Variants in MAGI1 observed in about 807,000 individuals in gnomAD.
MAGI1 encodes the protein membrane-associated guanylate kinase, WW and PDZ domain-containing protein 1.
Under a neutral mutation model 139.9 loss-of-function variants are expected in MAGI1, and 58 were observed. The ratio of observed to expected loss-of-function variants is 0.41; its 90% CI spans 0.34 to 0.52. MAGI1 has a LOEUF of 0.52. MAGI1 is among the 20% of genes least tolerant of loss of function. The pLI is 0.12. For missense variants in MAGI1, 1,874 were observed against 1,901.6 expected (o/e 0.99, Z 0.27); for synonymous variants, 812 against 737.9 (o/e 1.10, Z -1.63).
chr3:65,695,627 T>C (rs2089107520), intron 1 of MAGI1, among the ~76,000 whole-genome samples: 1 of 152,312 alleles, frequency 6.6e-6, no homozygotes, highest in African/African-American at 2.4e-5. Flanking sequence ...TCAGTAGGTA[T>C]TGCTGGGGGA....
intron 1 of MAGI1, among the ~76,000 whole-genome samples, chr3:65,908,138 G>C (rs1209996900): frequency 6.6e-6 from 1 of 152,062 alleles, no homozygotes; most frequent in African/African-American, 2.4e-5. Flanking sequence ...CAAAATAACA[G>C]AAGACATCAA....
intron 1 of MAGI1, among the ~76,000 whole-genome samples, chr3:65,877,431 C>T (rs983538435): frequency 6.6e-6 from 1 of 152,114 alleles, no homozygotes; most frequent in Non-Finnish European, 1.5e-5. Context: ...AGCTCTCAAA[C>T]ACCCACAGAT....
chr3:65,371,585 C>T (rs1941999869), intron 18 of MAGI1, among the ~76,000 whole-genome samples: 1 of 152,108 alleles, frequency 6.6e-6, no homozygotes. Flanking sequence ...ATGAAGTTTG[C>T]TCTTCCTTCA....
intron 6 of MAGI1, among the ~76,000 whole-genome samples, chr3:65,449,227 A>G (rs1017715435): frequency 3.3e-5 from 5 of 152,116 alleles, no homozygotes; most frequent in Admixed American, 2.6e-4. Context: ...TACATATGTA[A>G]CAAACCTGCA....
In MAGI1 at chr3:65,787,010, G is replaced by A. The variant is rs375766874; in HGVS notation, c.314-164922C>T. ...TTTCCATCAATGCACCTCTTACTAAGCCACAAGCACACAACATTTCATTAG... is the reference window on the plus strand; with the variant it reads ...TTTCCATCAATGCACCTCTTACTAAACCACAAGCACACAACATTTCATTAG... On this transcript the variant is annotated intron_variant, in intron 1 of 22. Coordinates refer to ENST00000402939, the MANE Select transcript of MAGI1 (RefSeq NM_001033057.2). 1.1e-4 allele frequency among the ~76,000 whole-genome samples: 16 copies of A among 152,110 alleles called. No individual in the cohort carries two copies. In the South Asian group the frequency reaches 1.7e-3, roughly 16 times the overall value.
chr3:65,506,653 G>A (rs1004157692), intron 2 of MAGI1, among the ~76,000 whole-genome samples: 14 of 152,136 alleles, frequency 9.2e-5, no homozygotes, highest in Non-Finnish European at 1.6e-4. Context: ...CCACTAGCAC[G>A]GATCCATAAG....
chr3:65,429,715 C>A lies in MAGI1; in HGVS notation c.1972G>T (p.Ala658Ser), dbSNP rs751238481. The A allele has an allele frequency of 3.1e-6, 5 of 1,613,826 alleles. No individual in the cohort carries two copies. Among genetic ancestry groups the A allele is most frequent in the Admixed American group, 1.7e-5 (1 of 59,968 alleles). ...KGPMGFGFTI[A>S]DSPGGGGQRV... ...TGGCCACCCCCACCAGGACTGTCTG[C>A]GATAGTAAAACCAAAGCCCATTGGC... Residue 658 changes from alanine to serine, a missense_variant, in exon 12 of 23, where the codon GCA (alanine) becomes TCA (serine). By Grantham distance (99) the Ala-to-Ser change is moderately conservative. Transcript: ENST00000402939.
At chr3:65,372,012 G>T (rs77790423) in intron 18 of MAGI1, 33,115 of 293,038 alleles carry the variant, frequency 0.11, 4,075 homozygotes, top group East Asian at 0.4. Flanking sequence ...ATCTTGTTAA[G>T]GTCAACATGT....
chr3:65,690,572 G>A (rs1443140941), intron 1 of MAGI1, among the ~76,000 whole-genome samples: 1 of 151,756 alleles, frequency 6.6e-6, no homozygotes, highest in Non-Finnish European at 1.5e-5. Context: ...CACCTCCTGG[G>A]TTGAAGTGAT....
intron 1 of MAGI1, among the ~76,000 whole-genome samples, chr3:65,979,203 A>G (rs2065439800): frequency 6.7e-6 from 1 of 150,216 alleles, no homozygotes; most frequent in Non-Finnish European, 1.5e-5. Context: ...TAATTTACCA[A>G]ATAAGGCATA....
intron 10 of MAGI1, among the ~76,000 whole-genome samples, chr3:65,435,042 G>A (rs1175419813): frequency 1.2e-4 from 19 of 152,286 alleles, no homozygotes; most frequent in African/African-American, 7.2e-5. Flanking sequence ...GAAAATGGCC[G>A]TCTATAAACC....
intron 1 of MAGI1, among the ~76,000 whole-genome samples, chr3:65,930,918 C>A (rs1315090806): frequency 6.6e-6 from 1 of 152,158 alleles, no homozygotes; most frequent in Non-Finnish European, 1.5e-5. Flanking sequence ...CTGGAAAACT[C>A]ATGAATAATC....
chr3:65,543,032 A>G (rs1286052820), intron 2 of MAGI1, among the ~76,000 whole-genome samples: 3 of 152,144 alleles, frequency 2.0e-5, no homozygotes, highest in Non-Finnish European at 4.4e-5. Context: ...CAGAATCTAC[A>G]AGGAACTTAA....
At chr3:65,934,224 T>A (rs142365230) in intron 1 of MAGI1, among the ~76,000 whole-genome samples, 162 of 151,828 alleles carry the variant, frequency 1.1e-3, no homozygotes, top group Non-Finnish European at 1.8e-3. Flanking sequence ...GTAATTAGGG[T>A]AATGAACTGA....
At chr3:65,916,987 G>T (rs1424691662) in intron 1 of MAGI1, among the ~76,000 whole-genome samples, 3 of 152,088 alleles carry the variant, frequency 2.0e-5, no homozygotes, top group Non-Finnish European at 2.9e-5. Context: ...TTAAAAATTT[G>T]TCTGGACTGC....
At chr3:65,504,921 G>T (rs902534122) in intron 2 of MAGI1, among the ~76,000 whole-genome samples, 1 of 152,124 alleles carries the variant, frequency 6.6e-6, no homozygotes, top group Non-Finnish European at 1.5e-5. Flanking sequence ...AGGAACATGA[G>T]AGTTCTCAGG....
chr3:65,669,833 G>A (rs1347806218), intron 1 of MAGI1, among the ~76,000 whole-genome samples: 1 of 152,174 alleles, frequency 6.6e-6, no homozygotes, highest in Non-Finnish European at 1.5e-5. Context: ...TGAACCAATT[G>A]AGATGCCTAT....
chr3:65,889,787 C>T (rs1211236614), intron 1 of MAGI1, among the ~76,000 whole-genome samples: 4 of 152,066 alleles, frequency 2.6e-5, no homozygotes, highest in Non-Finnish European at 5.9e-5. Flanking sequence ...GGGGGGTTGT[C>T]AGGTAAGGCT....
chr3:65,530,564 C>G (rs972059601), intron 2 of MAGI1, among the ~76,000 whole-genome samples: 4 of 149,150 alleles, frequency 2.7e-5, no homozygotes, highest in Non-Finnish European at 4.4e-5. Context: ...TTGCAATGAG[C>G]CAAGATTGCA....
Sources: gnomAD v4.1 joint callset for allele counts (sites outside exome capture counted in the v4.1 genomes callset) on GRCh38, gnomAD v4.1.1 for gene constraint, MANE v1.5 for transcripts, NCBI Gene and HGNC (gene_info 2026-07-23, HGNC 2026-07-21) for gene names.